Variants in CELF4 observed in about 807,000 individuals in gnomAD.
The protein encoded by CELF4 is CUG-BP- and ETR-3-like factor 4.
A neutral mutation model predicts 59.9 loss-of-function variants in CELF4; 18 were observed. The observed-to-expected ratio is 0.30, with a 90% CI of 0.21 to 0.45. The LOEUF (loss-of-function observed/expected upper bound fraction) is 0.45, where lower values mean the gene tolerates loss of function less well. Among genes scored for constraint, CELF4 ranks in the 20% least tolerant of loss-of-function variants. CELF4 has a pLI of 1.00. For synonymous variants in CELF4, 261 were observed against 267.1 expected (o/e 0.98, Z 0.22); for missense variants, 456 against 689.0 (o/e 0.66, Z 3.79).
chr18:37,291,562 C>T (rs1231836916), intron 3 of CELF4, among the ~76,000 whole-genome samples: 2 of 152,208 alleles, frequency 1.3e-5, no homozygotes, highest in African/African-American at 4.8e-5. Flanking sequence ...GGGGTTCAGC[C>T]TAGTCTCTCT....
chr18:37,398,396 G>A (rs867126682), intron 2 of CELF4, among the ~76,000 whole-genome samples: 2 of 152,148 alleles, frequency 1.3e-5, no homozygotes, highest in Non-Finnish European at 2.9e-5. Flanking sequence ...ATCTCCCTTC[G>A]TGGACTGTGC....
chr18:37,319,719 T>C (rs2097022178), intron 3 of CELF4, among the ~76,000 whole-genome samples: 1 of 152,206 alleles, frequency 6.6e-6, no homozygotes, highest in African/African-American at 2.4e-5. Flanking sequence ...GATTTCCCGG[T>C]AAACTTTCTG....
rs560103398 is a variant in CELF4, at chr18:37,522,227, C to T, written c.287-36620G>A. ...CCACCTCCTCCTGACTGGTGCAACA[C>T]GCAATGCTCCTTCCTGTCCCTCTCT... On this transcript the variant is annotated intron_variant, in intron 1 of 12. Coordinates refer to ENST00000420428, the MANE Select transcript of CELF4 (RefSeq NM_020180.4). Among the ~76,000 whole-genome samples, 9 of 152,304 alleles carry T rather than the reference C, an allele frequency of 5.9e-5. No individual in the cohort carries two copies. In the East Asian group the frequency reaches 7.7e-4, roughly 13 times the overall value.
At chr18:37,319,969 G>A (rs2154519189) in intron 3 of CELF4, among the ~76,000 whole-genome samples, 1 of 152,318 alleles carries the variant, frequency 6.6e-6, no homozygotes, top group Non-Finnish European at 1.5e-5. Flanking sequence ...GGACACCCCA[G>A]CCCTGGCGGG....
At chr18:37,370,668 C>T (rs558763726) in intron 2 of CELF4, among the ~76,000 whole-genome samples, 66 of 152,160 alleles carry the variant, frequency 4.3e-4, no homozygotes, top group Non-Finnish European at 8.8e-4. Flanking sequence ...GGTGGCCCTC[C>T]TGTTGTCTTT....
intron 2 of CELF4, among the ~76,000 whole-genome samples, chr18:37,420,067 G>A (rs1164038876): frequency 6.6e-6 from 1 of 152,246 alleles, no homozygotes; most frequent in Non-Finnish European, 1.5e-5. Flanking sequence ...AGGCTTGGGG[G>A]TGGGAAGGGT....
intron 8 of CELF4, among the ~76,000 whole-genome samples, chr18:37,267,501 A>C (rs1190414100): frequency 6.6e-6 from 1 of 152,180 alleles, no homozygotes; most frequent in Non-Finnish European, 1.5e-5. Context: ...TGGCTTTGGA[A>C]GCCCAGAGAG....
chr18:37,381,469 G>T (rs1034971543), intron 2 of CELF4, among the ~76,000 whole-genome samples: 1 of 152,126 alleles, frequency 6.6e-6, no homozygotes, highest in Non-Finnish European at 1.5e-5. Context: ...GCTCTGGAAG[G>T]CAGGAAGCTC....
intron 1 of CELF4, among the ~76,000 whole-genome samples, chr18:37,552,601 C>A (rs913315543): frequency 6.6e-6 from 1 of 152,216 alleles, no homozygotes; most frequent in African/African-American, 2.4e-5. Context: ...ACTGGCTCAG[C>A]CAAGACAAGG....
At chr18:37,490,678 C>T (rs1478702146) in intron 1 of CELF4, among the ~76,000 whole-genome samples, 3 of 152,150 alleles carry the variant, frequency 2.0e-5, no homozygotes, top group Non-Finnish European at 4.4e-5. Flanking sequence ...GCCCTGAGTT[C>T]TGGGGGTTGG....
intron 2 of CELF4, among the ~76,000 whole-genome samples, chr18:37,363,181 G>T (rs1222449738): frequency 6.6e-6 from 1 of 152,132 alleles, no homozygotes; most frequent in African/African-American, 2.4e-5. Flanking sequence ...GGCTGTGTGG[G>T]GAGGGGACGA....
At chr18:37,294,503 T>C (rs1025621085) in intron 3 of CELF4, among the ~76,000 whole-genome samples, 2 of 152,226 alleles carry the variant, frequency 1.3e-5, no homozygotes, top group Admixed American at 1.3e-4. Flanking sequence ...CCAGCTTCCT[T>C]GCTCTGGCTC....
intron 9 of CELF4, chr18:37,266,246 A>C: frequency 1.9e-6 from 1 of 537,060 alleles, no homozygotes; most frequent in Non-Finnish European, 3.4e-6. Flanking sequence ...TCCATGGGGA[A>C]GGGAAATCTG....
chr18:37,327,313 T>C (rs1478930840), intron 2 of CELF4, among the ~76,000 whole-genome samples: 4 of 152,186 alleles, frequency 2.6e-5, no homozygotes, highest in Non-Finnish European at 5.9e-5. Flanking sequence ...GTGGCTCTGA[T>C]TCACCCCACC....
In CELF4 at chr18:37,264,663, T is replaced by C. The variant is rs778192144; in HGVS notation, c.1249+11A>G. ...GGAGGGAGGGGCCCAGGAGCTGGCC[T>C]GCAGACTCACCTTCTCTCTGCTGCT... On this transcript the variant is annotated intron_variant, in intron 10 of 12. Coordinates refer to ENST00000420428, the MANE Select transcript of CELF4 (RefSeq NM_020180.4). The C allele has an allele frequency of 6.4e-7, 1 of 1,565,328 alleles. No individual in the cohort carries two copies. Among genetic ancestry groups the C allele is most frequent in the Non-Finnish European group, 8.7e-7 (1 of 1,154,088 alleles).
chr18:37,504,834 G>T (rs1450077934), intron 1 of CELF4, among the ~76,000 whole-genome samples: 2 of 152,196 alleles, frequency 1.3e-5, no homozygotes, highest in Non-Finnish European at 2.9e-5. Context: ...TGGAATTATG[G>T]ATCTAATTTG....
In CELF4 at chr18:37,403,853, T is replaced by C. The variant is rs531466668; in HGVS notation, c.369+81672A>G. On this transcript the variant is annotated intron_variant, in intron 2 of 12. Coordinates refer to ENST00000420428, the MANE Select transcript of CELF4 (RefSeq NM_020180.4). ...GTGCTGCTCATACCCTCTTCTGAGATGGTCTCAGCTACACAGACTCCCCTG... is the reference window on the plus strand; with the variant it reads ...GTGCTGCTCATACCCTCTTCTGAGACGGTCTCAGCTACACAGACTCCCCTG... 3.3e-5 allele frequency among the ~76,000 whole-genome samples: 5 copies of C among 152,284 alleles called. 1 individual carries two copies. Among genetic ancestry groups the C allele is most frequent in the African/African-American group, 1.2e-4 (5 of 41,560 alleles).
intron 1 of CELF4, among the ~76,000 whole-genome samples, chr18:37,565,130 C>G (rs2099987815): frequency 6.6e-6 from 1 of 152,128 alleles, no homozygotes; most frequent in African/African-American, 2.4e-5. Flanking sequence ...CTGCTCTCTC[C>G]ATGGCATCGT....
At chr18:37,265,024 T>C (rs1270675612) in intron 9 of CELF4, among the ~76,000 whole-genome samples, 1 of 151,046 alleles carries the variant, frequency 6.6e-6, no homozygotes, top group Non-Finnish European at 1.5e-5. Flanking sequence ...TGTGGGGATG[T>C]GTGTGTACGT....
Sources: gnomAD v4.1 joint callset for allele counts (sites outside exome capture counted in the v4.1 genomes callset) on GRCh38, gnomAD v4.1.1 for gene constraint, MANE v1.5 for transcripts, NCBI Gene and HGNC (gene_info 2026-07-23, HGNC 2026-07-21) for gene names.